ZMYND11: variants seen among roughly 807,000 people sequenced by gnomAD.
The protein encoded by ZMYND11 is zinc finger MYND domain-containing protein 11.
In ZMYND11, 9 loss-of-function variants were observed where a neutral mutation model predicts 84.9. That is an observed-to-expected ratio of 0.11 (90% CI 0.06 to 0.18). The LOEUF is 0.18. Among genes scored for constraint, ZMYND11 ranks in the 10% least tolerant of loss-of-function variants. ZMYND11 has a pLI of 1.00. For missense variants in ZMYND11, 409 were observed against 761.0 expected (o/e 0.54, Z 5.44); for synonymous variants, 250 against 244.1 (o/e 1.02, Z -0.23).
At position 186,914 on chromosome 10, in the gene ZMYND11, T is replaced by C. The variant is rs925502754; in HGVS notation, c.116+6786T>C. On this transcript the variant is annotated intron_variant, in intron 2 of 14. Coordinates refer to ENST00000381604, the MANE Select transcript of ZMYND11 (RefSeq NM_001370100.5). ...AGAAAGAGAGTTCCGAGTCTTTTTT[T>C]CCCCACATTCTTTTAATTTTCCTTT... Among the ~76,000 whole-genome samples the C allele has an allele frequency of 3.9e-5, 6 of 152,100 alleles. No homozygotes were observed. The South Asian group carries it at 6.2e-4, about 16-fold the overall frequency.
intron 1 of ZMYND11, among the ~76,000 whole-genome samples, chr10:139,737 G>T: frequency 7.3e-6 from 1 of 137,104 alleles, no homozygotes; most frequent in Non-Finnish European, 1.5e-5. Context: ...TTGGAGATAG[G>T]GTCTTGCTCT....
At chr10:242,974 C>T (rs1266833840) in intron 10 of ZMYND11, among the ~76,000 whole-genome samples, 1 of 144,830 alleles carries the variant, frequency 6.9e-6, no homozygotes, top group Non-Finnish European at 1.5e-5. Context: ...TAACTCAATA[C>T]AAAATGAATG....
intron 4 of ZMYND11, among the ~76,000 whole-genome samples, chr10:224,601 A>T (rs182394971): frequency 4.6e-5 from 7 of 152,342 alleles, no homozygotes; most frequent in African/African-American, 7.2e-5. Flanking sequence ...ACCGTATTCC[A>T]TAGTAGGTAA....
chr10:149,285 GTTATTA>G (rs61508487), intron 1 of ZMYND11, among the ~76,000 whole-genome samples: 8,082 of 139,242 alleles, frequency 0.058, 324 homozygotes, highest in African/African-American at 0.11. Flanking sequence ...TGAGGTGGTT[GTTATTA>G]TTATTATTAT....
chr10:133,298 T>C (rs1554750382), upstream of ZMYND11, among the ~76,000 whole-genome samples: 1 of 152,240 alleles, frequency 6.6e-6, no homozygotes. Context: ...TTAATAGTTT[T>C]ATTTCTTCTA....
intron 10 of ZMYND11, among the ~76,000 whole-genome samples, chr10:242,452 A>G (rs781695629): frequency 1.3e-5 from 2 of 152,162 alleles, no homozygotes; most frequent in Non-Finnish European, 2.9e-5. Flanking sequence ...TGGAATTACC[A>G]TTACCATATT....
chr10:206,965 T>C (rs1944304430), intron 2 of ZMYND11, among the ~76,000 whole-genome samples: 1 of 152,094 alleles, frequency 6.6e-6, no homozygotes, highest in African/African-American at 2.4e-5. Context: ...ATTAGGTATA[T>C]CTCCTAATGC....
At chr10:221,381 G>C in intron 4 of ZMYND11, 25 bp downstream of exon 4, 1 of 1,608,430 alleles carries the variant, frequency 6.2e-7, no homozygotes, top group Non-Finnish European at 8.5e-7. Flanking sequence ...GCTTTCCTGT[G>C]CTGGTTAGAG....
intron 2 of ZMYND11, among the ~76,000 whole-genome samples, chr10:182,970 A>G (rs1848194491): frequency 6.6e-6 from 1 of 152,228 alleles, no homozygotes. Context: ...ATCTTAAGGT[A>G]CTGAAGGCTG....
chr10:253,751 T>TA lies in ZMYND11; in HGVS notation c.*1282dup. 1 of 152,774 alleles carries TA rather than the reference T, an allele frequency of 6.5e-6. No homozygotes were observed. The highest frequency in any genetic ancestry group is 1.5e-5 in the Non-Finnish European group (1 of 68,036). The allele number at this position is 152,774 out of a possible 1,614,324, so 9.5% of individuals were successfully genotyped here. On this transcript the variant is annotated 3_prime_UTR_variant, in exon 15 of 15. Coordinates refer to ENST00000381604, the MANE Select transcript of ZMYND11 (RefSeq NM_001370100.5). ...TTATCATTTAGTTATTTTTTGAGGT[T>TA]AGAGAATAATTTGTACATATTTATT... is the stretch of plus-strand genomic sequence containing the variant.
chr10:226,396 A>G (rs1278053439), intron 4 of ZMYND11, among the ~76,000 whole-genome samples: 4 of 151,360 alleles, frequency 2.6e-5, no homozygotes, highest in Non-Finnish European at 4.4e-5. Context: ...TTTCCCCAAA[A>G]TAATTGGCAC....
At chr10:249,680 C>T (rs1952936637) in intron 14 of ZMYND11, 2 of 985,406 alleles carry the variant, frequency 2.0e-6, no homozygotes, top group Non-Finnish European at 2.4e-6. Flanking sequence ...GGTCCAAGTG[C>T]TCGTCCTACA....
intron 1 of ZMYND11, among the ~76,000 whole-genome samples, chr10:176,173 T>C (rs1554766887): frequency 6.6e-6 from 1 of 152,206 alleles, no homozygotes; most frequent in African/African-American, 2.4e-5. Context: ...GTGACACTTC[T>C]GTAGACTGAG....
chr10:232,346 T>C (rs1272092031), intron 4 of ZMYND11, among the ~76,000 whole-genome samples: 1 of 152,244 alleles, frequency 6.6e-6, no homozygotes, highest in African/African-American at 2.4e-5. Context: ...GTCCTGTTGA[T>C]TTCTTTTGTG....
chr10:246,523 C>T (rs1398461751), intron 10 of ZMYND11, among the ~76,000 whole-genome samples: 2 of 152,138 alleles, frequency 1.3e-5, no homozygotes, highest in African/African-American at 4.8e-5. Context: ...AAAGACAAAA[C>T]AAATCTCATT....
chr10:236,945 T>C (rs777745208), intron 5 of ZMYND11, 30 bp downstream of exon 5: 1 of 1,590,130 alleles, frequency 6.3e-7, no homozygotes, highest in African/African-American at 1.3e-5. Context: ...TCTTTCAAAA[T>C]ATCCCAAAAC....
intron 2 of ZMYND11, among the ~76,000 whole-genome samples, chr10:184,636 T>C (rs932779407): frequency 6.6e-6 from 1 of 152,342 alleles, no homozygotes. Flanking sequence ...CCGTAGATTC[T>C]AGCTTCCTTC....
At chr10:159,038 G>A (rs1456492101) in intron 1 of ZMYND11, among the ~76,000 whole-genome samples, 3 of 90,426 alleles carry the variant, frequency 3.3e-5, no homozygotes, top group African/African-American at 1.2e-4. Context: ...TCACTTAATG[G>A]TGTTCTTTGA....
At chr10:183,013 C>T (rs1848202779) in intron 2 of ZMYND11, among the ~76,000 whole-genome samples, 2 of 152,212 alleles carry the variant, frequency 1.3e-5, no homozygotes, top group South Asian at 4.2e-4. Flanking sequence ...GCATGTTAGT[C>T]ATTAAGTTTC....
Sources: gnomAD v4.1 joint callset for allele counts (sites outside exome capture counted in the v4.1 genomes callset) on GRCh38, gnomAD v4.1.1 for gene constraint, MANE v1.5 for transcripts, NCBI Gene and HGNC (gene_info 2026-07-23, HGNC 2026-07-21) for gene names.